WIPI2: variants seen among roughly 807,000 people sequenced by gnomAD.
The protein encoded by WIPI2 is WD repeat domain, phosphoinositide interacting 2, also known as WD repeat domain phosphoinositide-interacting protein 2.
In WIPI2, 28 loss-of-function variants were observed where a neutral mutation model predicts 52.3. That is an observed-to-expected ratio of 0.54 (90% CI 0.40 to 0.73). The LOEUF (loss-of-function observed/expected upper bound fraction) is 0.73. Among genes scored for constraint, WIPI2 ranks in the 30% least tolerant of loss-of-function variants. The pLI, the probability that WIPI2 is intolerant of heterozygous loss-of-function variation, is 0.00. For synonymous variants in WIPI2, 268 were observed against 245.0 expected (o/e 1.09, Z -0.88); for missense variants, 506 against 602.9 (o/e 0.84, Z 1.68).
intron 3 of WIPI2, among the ~76,000 whole-genome samples, chr7:5,212,056 T>C (rs530430730): frequency 8.5e-5 from 13 of 152,338 alleles, no homozygotes; most frequent in South Asian, 4.1e-4. Context: ...TTTGTTGCTG[T>C]TGTTGTTGTT....
At position 5,222,739 on chromosome 7, in the gene WIPI2, A is replaced by G. The variant is rs1339979618; in HGVS notation, c.740+67A>G. 15 of 1,474,494 alleles carry G rather than the reference A, an allele frequency of 1.0e-5. No individual in the cohort carries two copies. In the East Asian group the frequency reaches 2.5e-4, roughly 25 times the overall value. The allele number at this position is 1,474,494 out of a possible 1,614,324, so 91.3% of individuals were successfully genotyped here. ...TTTGGATTTCAGTTTTATGTTATCT[A>G]TGAACAAACAAGTAGAACCCCCAGG... On this transcript the variant is annotated intron_variant, in intron 8 of 12. Transcript: ENST00000288828.
In WIPI2 at chr7:5,226,018, C is replaced by T. The variant is rs551075100; in HGVS notation, c.848+88C>T. The T allele has an allele frequency of 7.2e-5, 94 of 1,302,680 alleles. 2 individuals are homozygous for T. The South Asian group carries it at 1.2e-3, about 16-fold the overall frequency. 80.7% of individuals were successfully genotyped at this position (1,302,680 alleles called of 1,614,324 possible). A position where few individuals can be genotyped will look rare whatever the true frequency, so the allele number is the denominator to read the frequency against. On this transcript the variant is annotated intron_variant, in intron 9 of 12. Transcript: ENST00000288828. ...GGGATGAGAGGTAAGCACGGACCCG[C>T]CCACCCTCTGACATCGTTAGCCAGT...
intron 7 of WIPI2, among the ~76,000 whole-genome samples, chr7:5,221,240 C>T (rs1050032124): frequency 1.3e-5 from 2 of 151,920 alleles, no homozygotes; most frequent in Non-Finnish European, 2.9e-5. Context: ...GGATTACAGG[C>T]GTGAGTCACC....
intron 9 of WIPI2, chr7:5,226,209 A>C: frequency 2.4e-6 from 1 of 420,216 alleles, no homozygotes; most frequent in Non-Finnish European, 4.4e-6. Context: ...GTCAGTGAAG[A>C]TGGCCTCTCC....
chr7:5,190,928 TCTC>T (rs1487066340), intron 1 of WIPI2: 13 of 159,928 alleles, frequency 8.1e-5, no homozygotes, highest in South Asian at 8.0e-4. Flanking sequence ...ATCAGGCCCT[TCTC>T]CTTGTCTTTT....
chr7:5,224,224 G>A lies in WIPI2; in HGVS notation c.740+1552G>A, dbSNP rs117560844. ...TCTCTTTTATCCACCAGGGTCTTGC[G>A]TGAGCTGGCAGATCTGGTGGCCTGG... On this transcript the variant is annotated intron_variant, in intron 8 of 12. Coordinates refer to ENST00000288828, the MANE Select transcript of WIPI2 (RefSeq NM_015610.4). Among the ~76,000 whole-genome samples the A allele has an allele frequency of 4.3e-3, 656 of 152,352 alleles. 14 individuals carry two copies. Among genetic ancestry groups the A allele is most frequent in the East Asian group, 4.6e-3 (24 of 5,184 alleles).
At chr7:5,204,510 A>C (rs1490766189) in intron 3 of WIPI2, among the ~76,000 whole-genome samples, 1 of 152,192 alleles carries the variant, frequency 6.6e-6, no homozygotes, top group East Asian at 1.9e-4. Flanking sequence ...AAAATATTAG[A>C]GCATCTTGAA....
At chr7:5,204,939 G>T (rs769299511) in intron 3 of WIPI2, among the ~76,000 whole-genome samples, 1 of 152,132 alleles carries the variant, frequency 6.6e-6, no homozygotes, top group Non-Finnish European at 1.5e-5. Context: ...GCCTCCTAAA[G>T]TGCTGGGCCT....
chr7:5,193,720 C>T (rs1172174551), intron 2 of WIPI2, among the ~76,000 whole-genome samples: 1 of 151,976 alleles, frequency 6.6e-6, no homozygotes, highest in Admixed American at 6.5e-5. Flanking sequence ...GGACTACAGG[C>T]GTAGGCCCCA....
intron 9 of WIPI2, chr7:5,226,215 T>C (rs3801045): frequency 0.94 from 360,888 of 384,470 alleles, 169,568 homozygotes; most frequent in African/African-American, 0.99. Context: ...GAAGATGGCC[T>C]CTCCTCAGGT....
At chr7:5,219,377 C>T (rs1782976716) in intron 7 of WIPI2, among the ~76,000 whole-genome samples, 1 of 152,186 alleles carries the variant, frequency 6.6e-6, no homozygotes. Context: ...ATCAAAGTCT[C>T]ACTGTTAATG....
intron 3 of WIPI2, among the ~76,000 whole-genome samples, chr7:5,202,305 C>T (rs1782064674): frequency 6.6e-6 from 1 of 152,210 alleles, no homozygotes; most frequent in African/African-American, 2.4e-5. Flanking sequence ...GATAGATTTT[C>T]TACCATCAAT....
intron 3 of WIPI2, among the ~76,000 whole-genome samples, chr7:5,212,531 T>G (rs1782607929): frequency 6.6e-6 from 1 of 152,066 alleles, no homozygotes; most frequent in South Asian, 2.1e-4. Flanking sequence ...TACCCTCCTT[T>G]TTGGGGCAGG....
chr7:5,190,551 G>T (rs919589669), intron 1 of WIPI2, 58 bp downstream of exon 1: 1 of 1,376,476 alleles, frequency 7.3e-7, no homozygotes, highest in South Asian at 1.6e-5. Flanking sequence ...CCCGGGCTAG[G>T]GGGAGGGCCT....
In WIPI2 at chr7:5,208,651, C is replaced by G. The variant is rs538380771; in HGVS notation, c.212-5884C>G. 1.8e-4 allele frequency among the ~76,000 whole-genome samples: 28 copies of G among 152,090 alleles called. 1 individual carries two copies. The South Asian group carries it at 5.0e-3, about 27-fold the overall frequency. ...AGGTTGTTTTTTTCCTAATGGATTC[C>G]TATTCCATCATCATTTGTTGAGAAG... On this transcript the variant is annotated intron_variant, in intron 3 of 12. Transcript: ENST00000288828.
Position 5,223,204 on chromosome 7 carries a change from C to T in WIPI2, c.740+532C>T, listed in dbSNP as rs377504389. On this transcript the variant is annotated intron_variant, in intron 8 of 12. Transcript: ENST00000288828. ...TGCTTTGGAGGCAGGACTGTCCCTC[C>T]CTCGTCGGACAGTAGAGCGGGGGAG... 3.9e-5 allele frequency among the ~76,000 whole-genome samples: 6 copies of T among 152,352 alleles called. No individual in the cohort carries two copies. In the East Asian group the frequency reaches 1.2e-3, roughly 29 times the overall value.
At chr7:5,193,312 A>C (rs1302101814) in intron 2 of WIPI2, 141 bp downstream of exon 2, 1 of 1,485,512 alleles carries the variant, frequency 6.7e-7, no homozygotes, top group Non-Finnish European at 9.0e-7. Context: ...ATCAAGGACT[A>C]CATTTTTCCA....
chr7:5,221,992 A>G (rs1049756651), intron 7 of WIPI2, among the ~76,000 whole-genome samples: 1 of 140,906 alleles, frequency 7.1e-6, no homozygotes, highest in African/African-American at 2.7e-5. Flanking sequence ...GTCTTGCTCC[A>G]GAGCTGGAGT....
intron 3 of WIPI2, among the ~76,000 whole-genome samples, chr7:5,211,043 C>G (rs183015032): frequency 1.3e-5 from 2 of 152,286 alleles, no homozygotes; most frequent in East Asian, 3.9e-4. Flanking sequence ...ACAACAAGCA[C>G]AAAAGTGCAA....
Sources: allele counts gnomAD v4.1 joint callset (sites outside exome capture counted in the v4.1 genomes callset), GRCh38; gene constraint gnomAD v4.1.1; transcripts MANE v1.5; gene names NCBI Gene and HGNC (gene_info 2026-07-23, HGNC 2026-07-21).